DOK6: variants seen among roughly 807,000 people sequenced by gnomAD.
DOK6 encodes the protein docking protein 6.
A neutral mutation model predicts 44.0 loss-of-function variants in DOK6; 22 were observed. The observed-to-expected ratio is 0.50, with a 90% CI of 0.36 to 0.71. DOK6 has a LOEUF of 0.71. Ranked by LOEUF, DOK6 falls within the 30% of genes least tolerant of loss-of-function variation. The probability of loss-of-function intolerance (pLI) is 0.00; values close to 1 mark genes in which losing one functional copy is unlikely to be tolerated. For synonymous variants in DOK6, 166 were observed against 145.5 expected (o/e 1.14, Z -1.01); for missense variants, 340 against 416.4 (o/e 0.82, Z 1.60).
chr18:69,625,068 T>C (rs1984527400), intron 3 of DOK6, among the ~76,000 whole-genome samples: 3 of 152,168 alleles, frequency 2.0e-5, no homozygotes, highest in Non-Finnish European at 4.4e-5. Flanking sequence ...AGTGAAGATC[T>C]GAAAACTAGT....
chr18:69,706,163 T>C (rs960650854), intron 5 of DOK6, among the ~76,000 whole-genome samples: 1 of 152,206 alleles, frequency 6.6e-6, no homozygotes, highest in Non-Finnish European at 1.5e-5. Context: ...TTCTTGTATC[T>C]TTATGACAAG....
chr18:69,554,809 A>C (rs1387989696), intron 1 of DOK6, among the ~76,000 whole-genome samples: 1 of 151,782 alleles, frequency 6.6e-6, no homozygotes, highest in Non-Finnish European at 1.5e-5. Context: ...CAGTATTTTT[A>C]TTTTTTTCTC....
chr18:69,420,578 G>T (rs1270160218), intron 1 of DOK6, among the ~76,000 whole-genome samples: 1 of 152,052 alleles, frequency 6.6e-6, no homozygotes, highest in Non-Finnish European at 1.5e-5. Flanking sequence ...TGCCATGTTG[G>T]TGTGCTGCAC....
At chr18:69,827,136 A>G (rs188518137) in intron 7 of DOK6, among the ~76,000 whole-genome samples, 198 of 152,248 alleles carry the variant, frequency 1.3e-3, no homozygotes, top group Non-Finnish European at 2.3e-3. Context: ...CTTCCAAACC[A>G]TAAATCTGAT....
intron 7 of DOK6, among the ~76,000 whole-genome samples, chr18:69,798,985 G>A (rs1320205343): frequency 6.6e-6 from 1 of 151,920 alleles, no homozygotes; most frequent in Admixed American, 6.6e-5. Flanking sequence ...GTTTCTTAAT[G>A]TACAAAATAG....
chr18:69,424,052 T>A (rs1025703731), intron 1 of DOK6, among the ~76,000 whole-genome samples: 1 of 152,232 alleles, frequency 6.6e-6, no homozygotes, highest in Non-Finnish European at 1.5e-5. Context: ...TTTTGAAATG[T>A]AATAGTTTTG....
chr18:69,814,049 G>A (rs1011285566), intron 7 of DOK6, among the ~76,000 whole-genome samples: 1 of 151,960 alleles, frequency 6.6e-6, no homozygotes, highest in Non-Finnish European at 1.5e-5. Flanking sequence ...ACCAGCAGAA[G>A]AAGGCCAGGA....
At chr18:69,598,236 T>G (rs535580386) in intron 2 of DOK6, among the ~76,000 whole-genome samples, 8 of 151,640 alleles carry the variant, frequency 5.3e-5, no homozygotes, top group Non-Finnish European at 1.0e-4. Context: ...TTGATTATAT[T>G]TGTATTATAT....
At chr18:69,727,495 A>G (rs192843041) in intron 5 of DOK6, among the ~76,000 whole-genome samples, 2 of 152,352 alleles carry the variant, frequency 1.3e-5, no homozygotes, top group East Asian at 1.9e-4. Context: ...AGTTCACTCC[A>G]TACCCCCAAG....
intron 6 of DOK6, among the ~76,000 whole-genome samples, chr18:69,742,680 A>T (rs913093972): frequency 6.6e-6 from 1 of 152,224 alleles, no homozygotes; most frequent in African/African-American, 2.4e-5. Context: ...GTACAGGGAA[A>T]TACAAGAGGA....
intron 1 of DOK6, among the ~76,000 whole-genome samples, chr18:69,561,131 T>C (rs956897627): frequency 3.9e-5 from 6 of 152,160 alleles, no homozygotes; most frequent in Admixed American, 3.9e-4. Flanking sequence ...GAGAGTATGC[T>C]GTGTACTAGA....
chr18:69,738,572 G>A (rs1469891990), intron 5 of DOK6, among the ~76,000 whole-genome samples: 1 of 152,140 alleles, frequency 6.6e-6, no homozygotes, highest in Admixed American at 6.5e-5. Flanking sequence ...AATGCTCTCA[G>A]AAATGACATG....
At chr18:69,758,329 C>A (rs1287299196) in intron 7 of DOK6, among the ~76,000 whole-genome samples, 1 of 152,142 alleles carries the variant, frequency 6.6e-6, no homozygotes, top group Non-Finnish European at 1.5e-5. Flanking sequence ...AAAGTTTAGT[C>A]AAAGCCTTAA....
intron 1 of DOK6, among the ~76,000 whole-genome samples, chr18:69,491,896 G>A (rs1980745116): frequency 6.6e-6 from 1 of 152,082 alleles, no homozygotes; most frequent in East Asian, 1.9e-4. Flanking sequence ...TTTGCCAACT[G>A]GCTAGACATT....
At chr18:69,714,283 T>A (rs1453472610) in intron 5 of DOK6, among the ~76,000 whole-genome samples, 2 of 152,282 alleles carry the variant, frequency 1.3e-5, no homozygotes, top group East Asian at 3.9e-4. Flanking sequence ...CACACACTCC[T>A]TGCTGGGGGC....
intron 4 of DOK6, among the ~76,000 whole-genome samples, chr18:69,695,686 T>C (rs1164028456): frequency 6.6e-6 from 1 of 152,240 alleles, no homozygotes; most frequent in Non-Finnish European, 1.5e-5. Context: ...TTTTTGTGCC[T>C]AGTTTTCTGC....
At chr18:69,411,957 CT>C (rs1978308127) in intron 1 of DOK6, among the ~76,000 whole-genome samples, 1 of 152,138 alleles carries the variant, frequency 6.6e-6, no homozygotes, top group Non-Finnish European at 1.5e-5. Context: ...TTCTATTCAA[CT>C]GCAAATAACC....
chr18:69,811,640 T>TAC (rs1464083454), intron 7 of DOK6, among the ~76,000 whole-genome samples: 1 of 148,214 alleles, frequency 6.7e-6, no homozygotes, highest in Non-Finnish European at 1.5e-5. Context: ...TGAATTAACT[T>TAC]TTAAAAAGAT....
intron 5 of DOK6, among the ~76,000 whole-genome samples, chr18:69,726,142 T>C (rs1978305859): frequency 6.6e-6 from 1 of 152,210 alleles, no homozygotes; most frequent in African/African-American, 2.4e-5. Flanking sequence ...GATGAGACTT[T>C]GAAAATCATT....
Sources: gnomAD v4.1 joint callset for allele counts (sites outside exome capture counted in the v4.1 genomes callset) on GRCh38, gnomAD v4.1.1 for gene constraint, MANE v1.5 for transcripts, NCBI Gene and HGNC (gene_info 2026-07-23, HGNC 2026-07-21) for gene names.